AUH: variants seen among roughly 807,000 people sequenced by gnomAD.
AUH encodes the protein methylglutaconyl-CoA hydratase, mitochondrial.
AUH carries 29 observed loss-of-function variants against 42.3 expected under a neutral mutation model. The observed-to-expected ratio is 0.69, with a 90% CI of 0.51 to 0.93. AUH has a LOEUF of 0.93. Ranked by LOEUF, AUH falls within the 40% of genes least tolerant of loss-of-function variation. AUH has a pLI of 0.00. For missense variants in AUH, 452 were observed against 438.1 expected (o/e 1.03, Z -0.28); for synonymous variants, 174 against 166.4 (o/e 1.05, Z -0.35).
chr9:91,310,354 T>G (rs565428080), intron 4 of AUH, among the ~76,000 whole-genome samples: 3 of 152,176 alleles, frequency 2.0e-5, no homozygotes, highest in African/African-American at 7.2e-5. Flanking sequence ...GAAGATAAGA[T>G]GAAATAATTA....
chr9:91,218,594 T>C (rs1390287098), intron 7 of AUH: 15 of 983,606 alleles, frequency 1.5e-5, no homozygotes, highest in Non-Finnish European at 1.8e-5. Flanking sequence ...GACCACACTT[T>C]GGGAAGTAAA....
At chr9:91,292,751 T>C (rs1007121362) in intron 6 of AUH, among the ~76,000 whole-genome samples, 5 of 152,152 alleles carry the variant, frequency 3.3e-5, no homozygotes, top group African/African-American at 9.7e-5. Context: ...ACTTAAGAAC[T>C]ACCATCTTCA....
At chr9:91,287,446 T>C (rs1826508077) in intron 6 of AUH, among the ~76,000 whole-genome samples, 1 of 152,144 alleles carries the variant, frequency 6.6e-6, no homozygotes, top group South Asian at 2.1e-4. Context: ...GTGACAGCAT[T>C]TGAGTAAGGT....
chr9:91,272,680 G>A (rs980932949), intron 6 of AUH, among the ~76,000 whole-genome samples: 18 of 152,072 alleles, frequency 1.2e-4, no homozygotes, highest in Middle Eastern at 6.3e-3. Context: ...TATATTTTAT[G>A]TATCCGTCTG....
At position 91,299,161 on chromosome 9, in the gene AUH, G is replaced by C. The variant is rs182508747; in HGVS notation, c.506-1085C>G. Among the ~76,000 whole-genome samples, 363 of 152,328 alleles carry C rather than the reference G, an allele frequency of 2.4e-3. 3 individuals are homozygous for C. Among genetic ancestry groups the C allele is most frequent in the Non-Finnish European group, 2.7e-3 (184 of 68,036 alleles). The stretch of plus-strand genomic sequence containing the variant: ...GTAAACCCAGGAGGCAGAGATTGCA[G>C]TGAGCCAAGATCGTGCCATTGCACT... On this transcript the variant is annotated intron_variant, in intron 4 of 9. Transcript: ENST00000375731.
intron 1 of AUH, among the ~76,000 whole-genome samples, chr9:91,361,148 A>G (rs1832818652): frequency 1.3e-5 from 2 of 152,346 alleles, no homozygotes; most frequent in South Asian, 4.1e-4. Context: ...TCTAAGAGAA[A>G]ATGAACAAGA....
In AUH at chr9:91,325,219, T is replaced by G. The variant is rs573150695; in HGVS notation, c.505+99A>C. The G allele has an allele frequency of 9.4e-5, 88 of 933,170 alleles. No individual in the cohort carries two copies. In the African/African-American group the frequency reaches 1.3e-3, roughly 13 times the overall value. 57.8% of individuals were successfully genotyped at this position (933,170 alleles called of 1,614,324 possible). ...TATAGGTCATGATTATCTAATTATA[T>G]AAATATTTAACCAATGCTTATATAT... On this transcript the variant is annotated intron_variant, in intron 4 of 9. Coordinates refer to ENST00000375731, the MANE Select transcript of AUH (RefSeq NM_001698.3).
chr9:91,330,036 T>C (rs755443864), intron 3 of AUH, among the ~76,000 whole-genome samples: 2 of 152,136 alleles, frequency 1.3e-5, no homozygotes, highest in African/African-American at 2.4e-5. Flanking sequence ...TTGAAAGGTA[T>C]AATAAAACAG....
chr9:91,261,545 C>T (rs913000473), intron 6 of AUH, among the ~76,000 whole-genome samples: 6 of 152,212 alleles, frequency 3.9e-5, no homozygotes, highest in African/African-American at 1.4e-4. Context: ...AATGAAAGCA[C>T]ATCTTGGCAA....
chr9:91,299,872 CA>C (rs1185525413), intron 4 of AUH, among the ~76,000 whole-genome samples: 3 of 152,118 alleles, frequency 2.0e-5, no homozygotes, highest in Non-Finnish European at 4.4e-5. Context: ...CCTCAAGTCT[CA>C]CCCGTCAGAA....
At chr9:91,247,995 C>A (rs1272441989) in intron 6 of AUH, among the ~76,000 whole-genome samples, 7 of 152,182 alleles carry the variant, frequency 4.6e-5, no homozygotes, top group Non-Finnish European at 1.5e-5. Context: ...AGTGTCCTGA[C>A]AAAAGACATT....
intron 6 of AUH, among the ~76,000 whole-genome samples, chr9:91,253,244 A>C (rs892263302): frequency 1.3e-5 from 2 of 152,246 alleles, no homozygotes; most frequent in African/African-American, 2.4e-5. Context: ...ATAGATGCAC[A>C]GATTAGGGCT....
intron 6 of AUH, among the ~76,000 whole-genome samples, chr9:91,255,921 T>C (rs1829381309): frequency 6.6e-6 from 1 of 152,158 alleles, no homozygotes; most frequent in African/African-American, 2.4e-5. Flanking sequence ...TGAGGCTCTA[T>C]AAGTTACGCA....
chr9:91,351,585 T>C (rs927191679), intron 3 of AUH, among the ~76,000 whole-genome samples: 1 of 151,996 alleles, frequency 6.6e-6, no homozygotes, highest in Non-Finnish European at 1.5e-5. Flanking sequence ...CCAACCCGAG[T>C]TGATGAATGG....
intron 6 of AUH, among the ~76,000 whole-genome samples, chr9:91,272,029 T>G (rs1466260337): frequency 1.3e-5 from 2 of 152,172 alleles, no homozygotes; most frequent in African/African-American, 4.8e-5. Context: ...TCTATATATA[T>G]TGCACAAGCA....
chr9:91,272,595 C>T (rs1825233070), intron 6 of AUH, among the ~76,000 whole-genome samples: 1 of 152,154 alleles, frequency 6.6e-6, no homozygotes, highest in African/African-American at 2.4e-5. Flanking sequence ...TTCTAATAAC[C>T]TTCTCATTCA....
chr9:91,338,940 A>C (rs1830901119), intron 3 of AUH, among the ~76,000 whole-genome samples: 1 of 152,236 alleles, frequency 6.6e-6, no homozygotes, highest in African/African-American at 2.4e-5. Flanking sequence ...CTCTTTGAAT[A>C]GTTTAGACTT....
At chr9:91,258,373 C>T (rs773134679) in intron 6 of AUH, among the ~76,000 whole-genome samples, 42 of 152,084 alleles carry the variant, frequency 2.8e-4, no homozygotes, top group Admixed American at 6.6e-4. Flanking sequence ...GTAGCTGGGA[C>T]TACAGGCATG....
At chr9:91,303,290 T>A (rs1242488347) in intron 4 of AUH, among the ~76,000 whole-genome samples, 4 of 152,140 alleles carry the variant, frequency 2.6e-5, no homozygotes, top group Non-Finnish European at 5.9e-5. Flanking sequence ...TAGAAAAATA[T>A]GAACAATTTG....
Sources: allele counts gnomAD v4.1 joint callset (sites outside exome capture counted in the v4.1 genomes callset), GRCh38; gene constraint gnomAD v4.1.1; transcripts MANE v1.5; gene names NCBI Gene and HGNC (gene_info 2026-07-23, HGNC 2026-07-21).